The following FBN2 variants were observed in gnomAD, a reference collection of about 807,000 sequenced individuals.
The protein encoded by FBN2 is fibrillin 2.
Under a neutral mutation model 355.6 loss-of-function variants are expected in FBN2, and 105 were observed. That is an observed-to-expected ratio of 0.30 (90% CI 0.25 to 0.35). The LOEUF (loss-of-function observed/expected upper bound fraction) is 0.35, where lower values mean the gene tolerates loss of function less well. Among genes scored for constraint, FBN2 ranks in the 10% least tolerant of loss-of-function variants. FBN2 has a pLI of 1.00. For synonymous variants in FBN2, 1,350 were observed against 1,301.2 expected, an observed-to-expected ratio of 1.04 and a Z score of -0.81; for missense variants, 3,280 against 3,758.7, an observed-to-expected ratio of 0.87 and a Z score of 3.33.
chr5:128,403,576 G>C (rs1752853670), intron 8 of FBN2, among the ~76,000 whole-genome samples: 1 of 152,102 alleles, frequency 6.6e-6, no homozygotes, highest in Admixed American at 6.5e-5. Context: ...ATATAACAAT[G>C]TGCAAATTAG....
chr5:128,351,623 A>G (rs1026342094), intron 20 of FBN2, among the ~76,000 whole-genome samples: 2 of 152,136 alleles, frequency 1.3e-5, no homozygotes, highest in Non-Finnish European at 2.9e-5. Flanking sequence ...AATATGGTAT[A>G]TTACATATAT....
rs866640664 is a variant in FBN2 at position 128,408,545 on chromosome 5, C to T, written c.1078+129G>A. 33 of 1,086,618 alleles carry T rather than the reference C, an allele frequency of 3.0e-5. No individual in the cohort carries two copies. The Middle Eastern group carries it at 5.9e-4, about 19-fold the overall frequency. The allele number at this position is 1,086,618 out of a possible 1,614,324, so 67.3% of individuals were successfully genotyped here. On this transcript the variant is annotated intron_variant, in intron 8 of 64. Transcript: ENST00000262464. ...TCTATCAATCCCTCAATACTGGTAC[C>T]GTTTACATTAAACAACTCATTCAGC...
chr5:128,461,949 G>A (rs1754570578), intron 6 of FBN2, among the ~76,000 whole-genome samples: 1 of 152,102 alleles, frequency 6.6e-6, no homozygotes, highest in African/African-American at 2.4e-5. Flanking sequence ...TTCTGCACAT[G>A]TATTCGTTTT....
intron 5 of FBN2, among the ~76,000 whole-genome samples, chr5:128,485,962 A>G (rs1446952492): frequency 6.6e-6 from 1 of 152,232 alleles, no homozygotes; most frequent in African/African-American, 2.4e-5. Context: ...CAACTGAGTG[A>G]TCACAGGGAA....
intron 5 of FBN2, among the ~76,000 whole-genome samples, chr5:128,497,102 C>T (rs1413763468): frequency 6.6e-6 from 1 of 151,994 alleles, no homozygotes; most frequent in African/African-American, 2.4e-5. Flanking sequence ...ACAAATTGAA[C>T]AATGATTTAA....
chr5:128,327,143 A>G (rs943019699), intron 34 of FBN2, among the ~76,000 whole-genome samples: 5 of 152,206 alleles, frequency 3.3e-5, no homozygotes, highest in African/African-American at 1.2e-4. Flanking sequence ...GATTGGGAAA[A>G]AAAGGAACTC....
At chr5:128,311,176 A>G in intron 39 of FBN2, 124 bp downstream of exon 39, 1 of 992,208 alleles carries the variant, frequency 1.0e-6, no homozygotes, top group Non-Finnish European at 1.5e-6. Context: ...TGAAAAAAAA[A>G]AAAGCTATGA....
chr5:128,382,469 A>C (rs1306116200), intron 11 of FBN2, among the ~76,000 whole-genome samples: 1 of 152,074 alleles, frequency 6.6e-6, no homozygotes. Context: ...CTTGGGACAC[A>C]GTATTCATCC....
chr5:128,537,765 G>A lies in FBN2; in HGVS notation c.-162C>T, dbSNP rs1756900035. 1.4e-6 allele frequency: 1 copy of A among 708,156 alleles called. No individual in the cohort carries two copies. Among genetic ancestry groups the A allele is most frequent in the African/African-American group, 1.8e-5 (1 of 56,100 alleles). 43.9% of individuals were successfully genotyped at this position (708,156 alleles called of 1,614,324 possible). A position where few individuals can be genotyped will look rare whatever the true frequency, so the allele number is the denominator to read the frequency against. On this transcript the variant is annotated 5_prime_UTR_variant, in exon 1 of 65. Coordinates refer to ENST00000262464, the MANE Select transcript of FBN2 (RefSeq NM_001999.4). Reference sequence around the variant, plus strand: ...TGCTCTAGCTGGAGACCTCGACAGAGCGCCGGCCCCCTGACTGCCCGCGAA... The same window carrying A: ...TGCTCTAGCTGGAGACCTCGACAGAACGCCGGCCCCCTGACTGCCCGCGAA...
intron 7 of FBN2, among the ~76,000 whole-genome samples, chr5:128,436,665 TTAAAAAAAAA>T (rs1355235848): frequency 7.2e-6 from 1 of 138,616 alleles, no homozygotes; most frequent in African/African-American, 2.7e-5. Flanking sequence ...GTGGCTCCAC[TTAAAAAAAAA>T]AAAAAAGAAA....
intron 5 of FBN2, among the ~76,000 whole-genome samples, chr5:128,470,828 A>G (rs1486811525): frequency 6.6e-6 from 1 of 152,014 alleles, no homozygotes; most frequent in African/African-American, 2.4e-5. Flanking sequence ...ACAGTGTACA[A>G]CTGCATAGAT....
chr5:128,404,291 T>TG (rs1471884002), intron 8 of FBN2, among the ~76,000 whole-genome samples: 1 of 152,250 alleles, frequency 6.6e-6, no homozygotes, highest in Non-Finnish European at 1.5e-5. Flanking sequence ...TTATTCCAAA[T>TG]GTAACATAGT....
intron 25 of FBN2, 149 bp downstream of exon 25, chr5:128,344,236 G>A (rs1751106108): frequency 6.2e-6 from 5 of 803,316 alleles, no homozygotes. Context: ...GGGCGACTAA[G>A]TGAGACCTTT....
At chr5:128,300,970 G>C (rs1392265091) in intron 47 of FBN2, 34 bp from the exon 48 acceptor site, 1 of 1,601,740 alleles carries the variant, frequency 6.2e-7, no homozygotes. Flanking sequence ...AATAATTTAA[G>C]CATGAGATAA....
chr5:128,479,972 CTCTCTATA>C (rs1157654652), intron 5 of FBN2, among the ~76,000 whole-genome samples: 44 of 20,470 alleles, frequency 2.1e-3, no homozygotes, highest in South Asian at 2.6e-3. Flanking sequence ...CTCTCTCTCT[CTCTCTATA>C]TATATATATA....
chr5:128,487,779 T>C (rs1351140493), intron 5 of FBN2, among the ~76,000 whole-genome samples: 1 of 152,184 alleles, frequency 6.6e-6, no homozygotes, highest in African/African-American at 2.4e-5. Context: ...GAAAAAATTA[T>C]CCAGCACAAT....
intron 7 of FBN2, among the ~76,000 whole-genome samples, chr5:128,434,717 T>C (rs1400532421): frequency 2.0e-5 from 3 of 152,012 alleles, no homozygotes; most frequent in Admixed American, 6.6e-5. Context: ...CCTGAATTAT[T>C]GTTTTTTCAT....
chr5:128,419,768 C>T (rs1753297659), intron 7 of FBN2, among the ~76,000 whole-genome samples: 1 of 152,112 alleles, frequency 6.6e-6, no homozygotes, highest in African/African-American at 2.4e-5. Context: ...TCTCGGCTCA[C>T]CAAAACCTCC....
chr5:128,261,658 A>G, intron 64 of FBN2, 78 bp downstream of exon 64: 1 of 1,377,740 alleles, frequency 7.3e-7, no homozygotes, highest in East Asian at 2.3e-5. Flanking sequence ...AGTGAGGCTG[A>G]AAACGACGTG....
Sources: gnomAD v4.1 joint callset for allele counts (sites outside exome capture counted in the v4.1 genomes callset) on GRCh38, gnomAD v4.1.1 for gene constraint, MANE v1.5 for transcripts, NCBI Gene and HGNC (gene_info 2026-07-23, HGNC 2026-07-21) for gene names.